AGPAT4: variants seen among roughly 807,000 people sequenced by gnomAD.
AGPAT4 encodes 1-acylglycerol-3-phosphate O-acyltransferase 4.
Under a neutral mutation model 48.0 loss-of-function variants are expected in AGPAT4, and 15 were observed. The observed-to-expected ratio is 0.31, with a 90% confidence interval of 0.21 to 0.48. The LOEUF (loss-of-function observed/expected upper bound fraction) is 0.48, where lower values mean the gene tolerates loss of function less well. Ranked by LOEUF, AGPAT4 falls within the 20% of genes least tolerant of loss-of-function variation. AGPAT4 has a pLI of 0.99. For synonymous variants in AGPAT4, 178 were observed against 198.7 expected, an observed-to-expected ratio of 0.90 and a Z score of 0.88; for missense variants, 314 against 482.5, an observed-to-expected ratio of 0.65 and a Z score of 3.27.
chr6:161,164,115 A>G lies in AGPAT4; in HGVS notation c.348+2133T>C, dbSNP rs1272986476. Among the ~76,000 whole-genome samples the G allele has an allele frequency of 1.3e-5, 2 of 152,202 alleles. No individual in the cohort carries two copies. Among genetic ancestry groups the G allele is most frequent in the African/African-American group, 2.4e-5 (1 of 41,456 alleles). The stretch of plus-strand genomic sequence containing the variant: ...CATCAGCGCTCCCGCCCTTATGCTC[A>G]GAGTTGTAAAGTGATCATGGATTCG... On this transcript the variant is annotated intron_variant, in intron 3 of 8. Coordinates refer to ENST00000320285, the MANE Select transcript of AGPAT4 (RefSeq NM_020133.3). This position sits in a 1 kb window ranked among gnomAD's most constrained non-coding sequence, Gnocchi z 7.4.
rs1003972794 is a variant in AGPAT4, at chr6:161,208,715, A to C, written c.178+23321T>G. Among the ~76,000 whole-genome samples the C allele has an allele frequency of 5.9e-5, 9 of 152,268 alleles. No individual in the cohort carries two copies. The highest frequency in any genetic ancestry group is 2.1e-4 in the South Asian group (1 of 4,836). On this transcript the variant is annotated intron_variant, in intron 2 of 8. Transcript: ENST00000320285. This position sits in a 1 kb window ranked among gnomAD's most constrained non-coding sequence, Gnocchi z 4.6. ...AAATGCAAAAGAAGTCTATGTGTTC[A>C]AAAGAAAACTATTTGGTGCTGATTT... is the stretch of plus-strand genomic sequence containing the variant.
chr6:161,234,479 T>G lies in AGPAT4; in HGVS notation c.-89-2177A>C, dbSNP rs1297884010. Among the ~76,000 whole-genome samples, 3 of 152,128 alleles carry G rather than the reference T, an allele frequency of 2.0e-5. No homozygotes were observed. The highest frequency in any genetic ancestry group is 7.2e-5 in the African/African-American group (3 of 41,408). ...GATATTTCCAGGCTGGAAAACTCCTTACTGAGTTTCAACACTCCCAGGCTC... is the reference window on the plus strand; with the variant it reads ...GATATTTCCAGGCTGGAAAACTCCTGACTGAGTTTCAACACTCCCAGGCTC... On this transcript the variant is annotated intron_variant, in intron 1 of 8. Coordinates refer to ENST00000320285, the MANE Select transcript of AGPAT4 (RefSeq NM_020133.3). The surrounding 1 kb of genome is among the most constrained non-coding windows in gnomAD (Gnocchi z 4.4).
rs3043142 is a variant in AGPAT4, at chr6:161,272,705, AACACACACAC to A, written c.-90+1223_-90+1232del. 2.7e-5 allele frequency among the ~76,000 whole-genome samples: 4 copies of A among 147,084 alleles called. No homozygotes were observed. The highest frequency in any genetic ancestry group is 2.2e-4 in the South Asian group (1 of 4,602). The stretch of plus-strand genomic sequence containing the variant: ...TCCCTGCCCGCCTCCCATTTCCCTA[AACACACACAC>A]ACACACACACACACACAAACACACA... On this transcript the variant is annotated intron_variant, in intron 1 of 8. Transcript: ENST00000320285. The surrounding 1 kb of genome is among the most constrained non-coding windows in gnomAD (Gnocchi z 4.2).
rs1217545437 is a variant in AGPAT4, at chr6:161,148,899, T to C, written c.767+288A>G. ...GCCCACGAAAAGGGTCAATAACATA[T>C]TCTCTTCACACCAACACCAAAATAA... is the stretch of plus-strand genomic sequence containing the variant. On this transcript the variant is annotated intron_variant, in intron 6 of 8. Coordinates refer to ENST00000320285, the MANE Select transcript of AGPAT4 (RefSeq NM_020133.3). This position sits in a 1 kb window ranked among gnomAD's most constrained non-coding sequence, Gnocchi z 5.5. 6.6e-6 allele frequency among the ~76,000 whole-genome samples: 1 copy of C among 152,210 alleles called. No individual in the cohort carries two copies. Among genetic ancestry groups the C allele is most frequent in the African/African-American group, 2.4e-5 (1 of 41,462 alleles).
rs531887483 is a variant in AGPAT4, at chr6:161,246,566, C to T, written c.-89-14264G>A. On this transcript the variant is annotated intron_variant, in intron 1 of 8. Coordinates refer to ENST00000320285, the MANE Select transcript of AGPAT4 (RefSeq NM_020133.3). This position sits in a 1 kb window ranked among gnomAD's most constrained non-coding sequence, Gnocchi z 5.5. Reference sequence around the variant, plus strand: ...CTGGGATTACAGGCATGCGCCACCACGCCCAGCTAATTTTGTATTTTTAGT... The same window carrying T: ...CTGGGATTACAGGCATGCGCCACCATGCCCAGCTAATTTTGTATTTTTAGT... Among the ~76,000 whole-genome samples, 39 of 152,242 alleles carry T rather than the reference C, an allele frequency of 2.6e-4. No individual in the cohort carries two copies. In the East Asian group the frequency reaches 5.4e-3, roughly 21 times the overall value.
rs1216118647 is a variant in AGPAT4, at chr6:161,166,050, T to C, written c.348+198A>G. ...TGGCCGGCAGGTAGCAATTGTTGAG[T>C]ACCTCTTATGATTGCCCATAAGAAG... On this transcript the variant is annotated intron_variant, in intron 3 of 8. Transcript: ENST00000320285. The surrounding 1 kb of genome is among the most constrained non-coding windows in gnomAD (Gnocchi z 6.7). 4 of 683,544 alleles carry C rather than the reference T, an allele frequency of 5.9e-6. No individual in the cohort carries two copies. Among genetic ancestry groups the C allele is most frequent in the Non-Finnish European group, 1.0e-5 (4 of 398,562 alleles). 42.3% of individuals were successfully genotyped at this position (683,544 alleles called of 1,614,324 possible). A position where few individuals can be genotyped will look rare whatever the true frequency, so the allele number is the denominator to read the frequency against.
intron 3 of AGPAT4, chr6:161,160,567 T>G (rs1423397921): frequency 5.5e-6 from 1 of 182,414 alleles, no homozygotes; most frequent in African/African-American, 2.3e-5. Flanking sequence ...TCCCTCTGTT[T>G]ACCAGGCCCC....
rs1448618736 is a variant in AGPAT4 at position 161,215,287 on chromosome 6, C to T, written c.178+16749G>A. Among the ~76,000 whole-genome samples the T allele has an allele frequency of 1.3e-5, 2 of 152,206 alleles. No homozygotes were observed. The highest frequency in any genetic ancestry group is 2.9e-5 in the Non-Finnish European group (2 of 68,032). On this transcript the variant is annotated intron_variant, in intron 2 of 8. Coordinates refer to ENST00000320285, the MANE Select transcript of AGPAT4 (RefSeq NM_020133.3). This position sits in a 1 kb window ranked among gnomAD's most constrained non-coding sequence, Gnocchi z 4.5. ...TAGCAAATGTTTCTGTAGAATTAAG[C>T]TTCCCCGTATCTGTGGGTTGAAAAT... is the stretch of plus-strand genomic sequence containing the variant.
intron 2 of AGPAT4, among the ~76,000 whole-genome samples, chr6:161,182,196 C>A (rs1216209988): frequency 6.6e-6 from 1 of 151,428 alleles, no homozygotes; most frequent in African/African-American, 2.4e-5. Context: ...TATCCCCTCA[C>A]CCCAGCCCTG....
Position 161,146,582 on chromosome 6 carries a change from T to G in AGPAT4, c.785A>C (p.Asp262Ala). 1 of 1,614,118 alleles carries G rather than the reference T, an allele frequency of 6.2e-7. No homozygotes were observed. Among genetic ancestry groups the G allele is most frequent in the Non-Finnish European group, 8.5e-7 (1 of 1,180,016 alleles). The change falls in exon 7 of 9, where the codon GAC becomes GCC. Residue 262 changes from aspartate (D) to alanine (A), a missense_variant. By Grantham distance (126) the Asp-to-Ala change is moderately radical. Transcript: ENST00000320285. The surrounding 1 kb of genome is among the most constrained non-coding windows in gnomAD (Gnocchi z 7.1). The part of the protein sequence containing the change: ...DLYVRRIPLE[D>A]IPEDDDECSA... ...GCACTCGTCATCGTCTTCAGGGATG[T>G]CTTCCAGTGGGATCCTCCTGCAAAG...
intron 2 of AGPAT4, among the ~76,000 whole-genome samples, chr6:161,170,106 C>G (rs1313677511): frequency 6.6e-6 from 1 of 152,168 alleles, no homozygotes; most frequent in African/African-American, 2.4e-5. Flanking sequence ...CAAGTTTTAG[C>G]CCATTCTCAT....
chr6:161,222,052 T>G lies in AGPAT4; in HGVS notation c.178+9984A>C, dbSNP rs1350777359. On this transcript the variant is annotated intron_variant, in intron 2 of 8. Transcript: ENST00000320285. This position sits in a 1 kb window ranked among gnomAD's most constrained non-coding sequence, Gnocchi z 5.9. ...TCCTTTCCACGAATGACTGCAATATTTGGGATGAGGGTTGACTATGCTCTG... is the reference window on the plus strand; with the variant it reads ...TCCTTTCCACGAATGACTGCAATATGTGGGATGAGGGTTGACTATGCTCTG... 6.6e-6 allele frequency among the ~76,000 whole-genome samples: 1 copy of G among 152,182 alleles called. No individual in the cohort carries two copies. Among genetic ancestry groups the G allele is most frequent in the Admixed American group, 6.5e-5 (1 of 15,272 alleles).
Position 161,259,085 on chromosome 6 carries a change from A to C in AGPAT4, c.-90+14853T>G, listed in dbSNP as rs568485628. On this transcript the variant is annotated intron_variant, in intron 1 of 8. Transcript: ENST00000320285. This position sits in a 1 kb window ranked among gnomAD's most constrained non-coding sequence, Gnocchi z 4.9. ...AGTGCTGGGATTACAGGTGTGAGCCACGGTACCCGGCCTTAAATTCTTTTC... is the reference window on the plus strand; with the variant it reads ...AGTGCTGGGATTACAGGTGTGAGCCCCGGTACCCGGCCTTAAATTCTTTTC... Among the ~76,000 whole-genome samples, 2 of 152,306 alleles carry C rather than the reference A, an allele frequency of 1.3e-5. No individual in the cohort carries two copies. Among genetic ancestry groups the C allele is most frequent in the Admixed American group, 6.5e-5 (1 of 15,298 alleles).
In AGPAT4 at chr6:161,139,738, A is replaced by ACCCC; in HGVS notation, c.844-119_844-118insGGGG. 3.5e-6 allele frequency: 3 copies of ACCCC among 854,878 alleles called. No individual in the cohort carries two copies. The highest frequency in any genetic ancestry group is 5.4e-6 in the Non-Finnish European group (3 of 555,942). The allele number at this position is 854,878 out of a possible 1,614,324, so 53.0% of individuals were successfully genotyped here. A position where few individuals can be genotyped will look rare whatever the true frequency, so the allele number is the denominator to read the frequency against. ...CACAGGTGCCACCGGGGCTCGGCAG[A>ACCCC]ACTGGGGTCTGCAGCTCCTTCCAGA... On this transcript the variant is annotated intron_variant, in intron 7 of 8. Coordinates refer to ENST00000320285, the MANE Select transcript of AGPAT4 (RefSeq NM_020133.3). The surrounding 1 kb of genome is among the most constrained non-coding windows in gnomAD (Gnocchi z 9.1).
chr6:161,232,087 T>G lies in AGPAT4; in HGVS notation c.127A>C (p.Lys43Gln). The change falls in exon 2 of 9, where the codon AAG becomes CAG. Residue 43 changes from lysine (K) to glutamine (Q), a missense_variant. Coordinates refer to ENST00000320285, the MANE Select transcript of AGPAT4 (RefSeq NM_020133.3). The surrounding 1 kb of genome is among the most constrained non-coding windows in gnomAD (Gnocchi z 6.8). The part of the protein sequence containing the change: ...LFTLLLWPIN[K>Q]QLFRKINCRL... ...CAGTTGATCTTCCGGAAGAGCTGCT[T>G]GTTAATGGGCCAGAGGAGGAGAGTG... is the stretch of plus-strand genomic sequence containing the variant. 1 of 1,614,068 alleles carries G rather than the reference T, an allele frequency of 6.2e-7. No individual in the cohort carries two copies.
At position 161,131,183 on chromosome 6, in the gene AGPAT4, T is replaced by C. The variant is rs1218557808; in HGVS notation, c.*5357A>G. ...AAACAAATTAAATGTAAAAATTGTATGACTCTTACCCAGTGAAAAGCTTTA... is the reference window on the plus strand; with the variant it reads ...AAACAAATTAAATGTAAAAATTGTACGACTCTTACCCAGTGAAAAGCTTTA... On this transcript the variant is annotated 3_prime_UTR_variant, in exon 9 of 9. Transcript: ENST00000320285. 1 of 303,540 alleles carries C rather than the reference T, an allele frequency of 3.3e-6. No individual in the cohort carries two copies. The highest frequency in any genetic ancestry group is 2.2e-5 in the African/African-American group (1 of 46,152). The allele number at this position is 303,540 out of a possible 1,614,324, so 18.8% of individuals were successfully genotyped here.
intron 1 of AGPAT4, among the ~76,000 whole-genome samples, chr6:161,258,623 T>C (rs1783006879): frequency 6.6e-6 from 1 of 151,976 alleles, no homozygotes; most frequent in Non-Finnish European, 1.5e-5. Context: ...TCACCACCTA[T>C]ATATGTTGGG....
chr6:161,179,766 T>G (rs1354759030), intron 2 of AGPAT4, among the ~76,000 whole-genome samples: 1 of 152,204 alleles, frequency 6.6e-6, no homozygotes, highest in Non-Finnish European at 1.5e-5. Context: ...CATTTTCTCT[T>G]TTTGATGATT....
rs1779016073 is a variant in AGPAT4, at chr6:161,134,900, G to A, written c.*1640C>T. 3 of 152,264 alleles carry A rather than the reference G, an allele frequency of 2.0e-5. No homozygotes were observed. The highest frequency in any genetic ancestry group is 4.8e-5 in the African/African-American group (2 of 41,456). 9.4% of individuals were successfully genotyped at this position (152,264 alleles called of 1,614,324 possible). On this transcript the variant is annotated 3_prime_UTR_variant, in exon 9 of 9. Coordinates refer to ENST00000320285, the MANE Select transcript of AGPAT4 (RefSeq NM_020133.3). ...CAAGCCTGCCTGCAGGGCCGCCAGCGAGTTAACTCAGGCCCTAGGCTCTGC... is the reference window on the plus strand; with the variant it reads ...CAAGCCTGCCTGCAGGGCCGCCAGCAAGTTAACTCAGGCCCTAGGCTCTGC...
Sources: gnomAD v4.1 joint callset for allele counts (sites outside exome capture counted in the v4.1 genomes callset) on GRCh38, gnomAD v4.1.1 for gene constraint, Gnocchi (gnomAD v3.1) non-coding constraint, MANE v1.5 for transcripts, NCBI Gene and HGNC (gene_info 2026-07-23, HGNC 2026-07-21) for gene names.